The following UBXN7 variants were observed in gnomAD, a reference collection of about 807,000 sequenced individuals.
UBXN7 encodes UBX domain-containing protein 7.
In UBXN7, 9 loss-of-function variants were observed where a neutral mutation model predicts 58.0. The observed-to-expected ratio is 0.16, with a 90% CI of 0.09 to 0.27. UBXN7 has a LOEUF of 0.27. UBXN7 is among the 10% of genes least tolerant of loss of function. UBXN7 has a pLI of 1.00. For missense variants in UBXN7, 328 were observed against 599.6 expected, an observed-to-expected ratio of 0.55 and a Z score of 4.73; for synonymous variants, 208 against 205.0, an observed-to-expected ratio of 1.01 and a Z score of -0.12.
At chr3:196,367,346 G>A (rs1728699789) in intron 8 of UBXN7, among the ~76,000 whole-genome samples, 1 of 152,082 alleles carries the variant, frequency 6.6e-6, no homozygotes, top group African/African-American at 2.4e-5. Flanking sequence ...TGTCTACCTA[G>A]TAATAGTATA....
intron 1 of UBXN7, among the ~76,000 whole-genome samples, chr3:196,417,186 G>C (rs970048057): frequency 1.3e-5 from 2 of 151,990 alleles, no homozygotes; most frequent in Admixed American, 1.3e-4. Context: ...GGTGGCGGGC[G>C]CTTGTAGTCC....
intron 1 of UBXN7, among the ~76,000 whole-genome samples, chr3:196,418,328 A>C (rs1730570653): frequency 6.8e-6 from 1 of 147,032 alleles, no homozygotes; most frequent in Admixed American, 6.9e-5. Context: ...GATAGTCCCA[A>C]GTTTACAGTA....
intron 10 of UBXN7, among the ~76,000 whole-genome samples, chr3:196,357,687 G>C (rs958912901): frequency 6.6e-6 from 1 of 151,926 alleles, no homozygotes; most frequent in African/African-American, 2.4e-5. Context: ...GTGAAATCCC[G>C]TCTCTACTAA....
chr3:196,402,388 A>G (rs894301404), intron 3 of UBXN7, among the ~76,000 whole-genome samples: 1 of 152,228 alleles, frequency 6.6e-6, no homozygotes, highest in African/African-American at 2.4e-5. Flanking sequence ...CTGCCCAAGC[A>G]GATTGTAATT....
At chr3:196,374,195 C>A (rs1158016337) in intron 5 of UBXN7, among the ~76,000 whole-genome samples, 1 of 151,946 alleles carries the variant, frequency 6.6e-6, no homozygotes, top group Non-Finnish European at 1.5e-5. Context: ...CATAAGTCTG[C>A]CCCAAAAACA....
At chr3:196,409,561 G>T (rs1730260710) in intron 1 of UBXN7, among the ~76,000 whole-genome samples, 2 of 152,022 alleles carry the variant, frequency 1.3e-5, no homozygotes, top group Non-Finnish European at 2.9e-5. Flanking sequence ...ACTTTGCAAG[G>T]CACCCACAGG....
intron 4 of UBXN7, among the ~76,000 whole-genome samples, chr3:196,392,238 A>G (rs955598588): frequency 3.3e-5 from 5 of 152,086 alleles, no homozygotes; most frequent in African/African-American, 1.2e-4. Context: ...GCGGTGGCTC[A>G]TGTCTATAAT....
chr3:196,411,456 G>T (rs1730321933), intron 1 of UBXN7, among the ~76,000 whole-genome samples: 1 of 152,154 alleles, frequency 6.6e-6, no homozygotes, highest in Admixed American at 6.5e-5. Flanking sequence ...ATAGCAAATG[G>T]ATACGCTGGA....
intron 5 of UBXN7, among the ~76,000 whole-genome samples, chr3:196,375,663 T>C (rs757579233): frequency 2.0e-5 from 3 of 152,178 alleles, no homozygotes; most frequent in Non-Finnish European, 4.4e-5. Flanking sequence ...GCCATTATAA[T>C]GGAGACCCCA....
chr3:196,422,065 T>C (rs941263492), intron 1 of UBXN7, among the ~76,000 whole-genome samples: 6 of 151,762 alleles, frequency 4.0e-5, no homozygotes, highest in Admixed American at 2.0e-4. Context: ...CCAGGCAAGG[T>C]GGTGCACGCC....
At chr3:196,417,119 C>G (rs11708136) in intron 1 of UBXN7, among the ~76,000 whole-genome samples, 1 of 151,926 alleles carries the variant, frequency 6.6e-6, no homozygotes, top group Non-Finnish European at 1.5e-5. Flanking sequence ...CGAGACCATC[C>G]TGGCTAACAC....
chr3:196,363,018 C>A (rs1728548157), intron 8 of UBXN7, among the ~76,000 whole-genome samples: 2 of 151,956 alleles, frequency 1.3e-5, no homozygotes, highest in African/African-American at 4.8e-5. Flanking sequence ...GATTCTCCTG[C>A]CTCAGCCTCC....
intron 6 of UBXN7, among the ~76,000 whole-genome samples, chr3:196,370,962 A>C (rs1310283436): frequency 3.9e-5 from 6 of 152,000 alleles, no homozygotes; most frequent in African/African-American, 1.2e-4. Context: ...CCAGGAGGTC[A>C]AGGCTGAGCC....
At chr3:196,373,360 C>T (rs923943392) in intron 5 of UBXN7, among the ~76,000 whole-genome samples, 2 of 152,184 alleles carry the variant, frequency 1.3e-5, no homozygotes, top group Non-Finnish European at 1.5e-5. Context: ...TACTTTTTGC[C>T]TGTCAGTCCC....
intron 10 of UBXN7, among the ~76,000 whole-genome samples, 196 bp downstream of exon 10, chr3:196,361,648 A>G (rs1195012521): frequency 6.6e-6 from 1 of 152,222 alleles, no homozygotes; most frequent in African/African-American, 2.4e-5. Context: ...CTGAAGATTC[A>G]GGGGATCATT....
intron 5 of UBXN7, among the ~76,000 whole-genome samples, chr3:196,382,994 T>C (rs1394867938): frequency 1.3e-5 from 2 of 151,546 alleles, no homozygotes; most frequent in Non-Finnish European, 2.9e-5. Context: ...CAGGCGCCTA[T>C]AGTCCCAGCT....
intron 8 of UBXN7, 57 bp downstream of exon 8, chr3:196,367,971 A>C: frequency 1.9e-6 from 3 of 1,580,314 alleles, no homozygotes; most frequent in Non-Finnish European, 2.6e-6. Flanking sequence ...ATTTTATATA[A>C]GATGCTTATG....
chr3:196,428,571 AAGG>A (rs1180078610), intron 1 of UBXN7, among the ~76,000 whole-genome samples: 1 of 152,134 alleles, frequency 6.6e-6, no homozygotes, highest in Non-Finnish European at 1.5e-5. Flanking sequence ...CTGTTGTGAG[AAGG>A]AGAATTAGTT....
intron 5 of UBXN7, among the ~76,000 whole-genome samples, chr3:196,380,678 G>A (rs185215947): frequency 1.4e-4 from 22 of 152,356 alleles, no homozygotes; most frequent in African/African-American, 4.6e-4. Context: ...GCAGCGTGCC[G>A]CCTCACCTGG....
Sources: allele counts gnomAD v4.1 joint callset (sites outside exome capture counted in the v4.1 genomes callset), GRCh38; gene constraint gnomAD v4.1.1; transcripts MANE v1.5; gene names NCBI Gene and HGNC (gene_info 2026-07-23, HGNC 2026-07-21).